The following HHAT variants were observed in gnomAD, a reference collection of about 807,000 sequenced individuals.
HHAT encodes protein-cysteine N-palmitoyltransferase HHAT.
In HHAT, 47 loss-of-function variants were observed where a neutral mutation model predicts 70.8. The observed-to-expected ratio is 0.66, with a 90% CI of 0.53 to 0.85. HHAT has a LOEUF of 0.85. HHAT is among the 40% of genes least tolerant of loss of function. HHAT has a pLI of 0.00. For synonymous variants in HHAT, 228 were observed against 247.6 expected (o/e 0.92, Z 0.74); for missense variants, 609 against 604.8 (o/e 1.01, Z -0.07).
rs73075582 is a variant in HHAT at position 210,459,726 on chromosome 1, C to G, written c.857-4779C>G. Among the ~76,000 whole-genome samples, 262 of 152,348 alleles carry G rather than the reference C, an allele frequency of 1.7e-3. 1 individual carries two copies. The highest frequency in any genetic ancestry group is 6.1e-3 in the African/African-American group (252 of 41,576). ...CTCAACAGTTCTGAGCTCCCTCACC[C>G]TGTTCTACAGTTTTGCTTTTTCCAT... On this transcript the variant is annotated intron_variant, in intron 7 of 11. Transcript: ENST00000261458.
intron 9 of HHAT, among the ~76,000 whole-genome samples, chr1:210,520,178 G>C (rs1356531936): frequency 6.6e-6 from 1 of 151,924 alleles, no homozygotes; most frequent in Non-Finnish European, 1.5e-5. Flanking sequence ...ACCATGCCCT[G>C]CTAATTTTTT....
intron 8 of HHAT, among the ~76,000 whole-genome samples, chr1:210,480,857 A>C (rs1157487200): frequency 6.6e-6 from 1 of 152,140 alleles, no homozygotes; most frequent in Non-Finnish European, 1.5e-5. Context: ...CTAGGAAGGC[A>C]CTTGTCAGAT....
At chr1:210,501,280 C>A (rs993526216) in intron 8 of HHAT, among the ~76,000 whole-genome samples, 11 of 152,250 alleles carry the variant, frequency 7.2e-5, no homozygotes, top group African/African-American at 2.4e-4. Flanking sequence ...GTTGCCCCAA[C>A]CTCTGCCCTT....
At chr1:210,370,246 C>T (rs966759429) in intron 3 of HHAT, among the ~76,000 whole-genome samples, 32 of 146,004 alleles carry the variant, frequency 2.2e-4, no homozygotes, top group Non-Finnish European at 4.3e-4. Context: ...ATGATCTTGG[C>T]TCACTGCAAC....
At chr1:210,536,873 TG>T (rs5780587) in intron 9 of HHAT, among the ~76,000 whole-genome samples, 28,558 of 152,100 alleles carry the variant, frequency 0.19, 3,285 homozygotes, top group Middle Eastern at 0.29. Context: ...GTCTGCTAAA[TG>T]TCAGTAGCAT....
intron 8 of HHAT, among the ~76,000 whole-genome samples, chr1:210,470,268 G>A (rs759526311): frequency 1.3e-5 from 2 of 152,128 alleles, no homozygotes; most frequent in South Asian, 2.1e-4. Flanking sequence ...CAAATTAGAC[G>A]CATGGGAGTC....
At chr1:210,531,244 T>C (rs948325130) in intron 9 of HHAT, among the ~76,000 whole-genome samples, 8 of 151,988 alleles carry the variant, frequency 5.3e-5, no homozygotes, top group African/African-American at 1.9e-4. Context: ...TGCAGTCTGT[T>C]GTTGACTGAA....
At chr1:210,659,708 AG>A (rs1258991545) in intron 11 of HHAT, among the ~76,000 whole-genome samples, 1 of 152,216 alleles carries the variant, frequency 6.6e-6, no homozygotes, top group Admixed American at 6.5e-5. Flanking sequence ...CACATCAAAA[AG>A]CTTCTCCACC....
chr1:210,476,854 G>C (rs750222556), intron 8 of HHAT, among the ~76,000 whole-genome samples: 10 of 152,190 alleles, frequency 6.6e-5, no homozygotes, highest in Admixed American at 1.3e-4. Flanking sequence ...ATCAGAATCT[G>C]CTTTTCAGCA....
intron 9 of HHAT, among the ~76,000 whole-genome samples, chr1:210,541,959 G>A (rs1464799166): frequency 6.6e-6 from 1 of 152,100 alleles, no homozygotes; most frequent in African/African-American, 2.4e-5. Context: ...CAGCGTCAGC[G>A]CTTATTCCAG....
chr1:210,387,374 C>A, intron 3 of HHAT, 94 bp from the exon 4 acceptor site: 1 of 1,016,884 alleles, frequency 9.8e-7, no homozygotes, highest in Non-Finnish European at 1.5e-6. Flanking sequence ...TTTGGACTCA[C>A]ACTGGCCTTC....
intron 1 of HHAT, among the ~76,000 whole-genome samples, chr1:210,337,795 G>A (rs1316866387): frequency 6.6e-6 from 1 of 152,154 alleles, no homozygotes; most frequent in Non-Finnish European, 1.5e-5. Context: ...CGGTTCCAGG[G>A]TTGAGGACAT....
chr1:210,546,628 C>T (rs61828131), intron 9 of HHAT, among the ~76,000 whole-genome samples: 29,032 of 152,114 alleles, frequency 0.19, 3,330 homozygotes, highest in Middle Eastern at 0.29. Flanking sequence ...GCTTTAAGCA[C>T]GGGCTTAACA....
At chr1:210,503,236 A>G (rs1219565596) in intron 8 of HHAT, among the ~76,000 whole-genome samples, 1 of 152,210 alleles carries the variant, frequency 6.6e-6, no homozygotes, top group Non-Finnish European at 1.5e-5. Flanking sequence ...CTGGGATTAC[A>G]GGCATGAGCC....
intron 5 of HHAT, among the ~76,000 whole-genome samples, chr1:210,403,826 C>G (rs889893425): frequency 2.6e-5 from 4 of 151,980 alleles, no homozygotes; most frequent in African/African-American, 9.7e-5. Context: ...ATTTTTTGTT[C>G]CATGCATATT....
Position 210,642,891 on chromosome 1 carries a change from A to G in HHAT, c.1390+19221A>G, listed in dbSNP as rs76889150. ...AGTTCCTTCATTGTTAGTACTTTCT[A>G]TGTTCTGATTAGGAAATACTTGCTT... On this transcript the variant is annotated intron_variant, in intron 11 of 11. Coordinates refer to ENST00000261458, the MANE Select transcript of HHAT (RefSeq NM_018194.6). 6.6e-3 allele frequency among the ~76,000 whole-genome samples: 1,001 copies of G among 152,200 alleles called. 6 individuals are homozygous for G. Among genetic ancestry groups the G allele is most frequent in the African/African-American group, 0.023 (940 of 41,520 alleles).
At chr1:210,445,953 C>T (rs1220833702) in intron 7 of HHAT, among the ~76,000 whole-genome samples, 1 of 152,048 alleles carries the variant, frequency 6.6e-6, no homozygotes, top group African/African-American at 2.4e-5. Flanking sequence ...TATTCATGTG[C>T]CATGTTGGTG....
rs540861762 is a variant in HHAT at position 210,598,014 on chromosome 1, A to G, written c.1245+9915A>G. ...GCCTGGCTACCACTGTTGATTATTC[A>G]GGGCCTAAGGGCTCTTTTGTCAACA... is the stretch of plus-strand genomic sequence containing the variant. On this transcript the variant is annotated intron_variant, in intron 10 of 11. Transcript: ENST00000261458. Among the ~76,000 whole-genome samples the G allele has an allele frequency of 6.1e-4, 93 of 151,866 alleles. 1 individual carries two copies. The highest frequency in any genetic ancestry group is 2.2e-3 in the African/African-American group (92 of 41,458).
Position 210,513,164 on chromosome 1 carries a change from T to A in HHAT, c.1019T>A (p.Val340Asp). 6.5e-7 allele frequency: 1 copy of A among 1,531,906 alleles called. No individual in the cohort carries two copies. Among genetic ancestry groups the A allele is most frequent in the South Asian group, 1.1e-5 (1 of 87,352 alleles). 94.9% of individuals were successfully genotyped at this position (1,531,906 alleles called of 1,614,324 possible). ...SFTGMWRYFDVGLHNFLIRYV... is the reference protein window; with the variant it reads ...SFTGMWRYFDDGLHNFLIRYV... ...TCTCTTTTGAACAGGTATTTTGATGTTGGACTGCATAATTTCTTAATCAGG... is the reference window on the plus strand; with the variant it reads ...TCTCTTTTGAACAGGTATTTTGATGATGGACTGCATAATTTCTTAATCAGG... The change falls in exon 9 of 12, where the codon GTT (valine) becomes GAT (aspartate). Residue 340 changes from valine (V) to aspartate (D), a missense_variant. By Grantham distance (152) the Val-to-Asp change is radical. Transcript: ENST00000261458.
Sources: allele counts gnomAD v4.1 joint callset (sites outside exome capture counted in the v4.1 genomes callset), GRCh38; gene constraint gnomAD v4.1.1; transcripts MANE v1.5; gene names NCBI Gene and HGNC (gene_info 2026-07-23, HGNC 2026-07-21).